Variants in RAB20 observed in about 807,000 individuals in gnomAD.
RAB20 encodes ras-related protein Rab-20.
A neutral mutation model predicts 3.7 loss-of-function variants in RAB20; 2 were observed. The ratio of observed to expected loss-of-function variants is 0.54; its 90% CI spans 0.22 to 1.69. The LOEUF (loss-of-function observed/expected upper bound fraction) is 1.69. Among genes scored for constraint, RAB20 ranks in the 40% most tolerant of loss-of-function variants. The pLI is 0.19. For missense variants in RAB20, 276 were observed against 311.9 expected, an observed-to-expected ratio of 0.88 and a Z score of 0.87; for synonymous variants, 126 against 130.8, an observed-to-expected ratio of 0.96 and a Z score of 0.25.
In RAB20 at chr13:110,555,638, G is replaced by A. The variant is rs1465962922; in HGVS notation, c.172+5710C>T. 1.3e-5 allele frequency among the ~76,000 whole-genome samples: 2 copies of A among 152,184 alleles called. No individual in the cohort carries two copies. The highest frequency in any genetic ancestry group is 2.4e-5 in the African/African-American group (1 of 41,442). On this transcript the variant is annotated intron_variant, in intron 1 of 1. Transcript: ENST00000267328. This position sits in a 1 kb window ranked among gnomAD's most constrained non-coding sequence, Gnocchi z 4.0. ...TTTCCTCGCAGCTTGGGCAGAGGAC[G>A]CCACGGAAGCGCAAACGTGAATCAG...
chr13:110,550,106 G>T (rs1223614354), intron 1 of RAB20, among the ~76,000 whole-genome samples: 1 of 152,106 alleles, frequency 6.6e-6, no homozygotes, highest in Admixed American at 6.6e-5. Flanking sequence ...AGAAAACAGG[G>T]TTCAGGGAGC....
chr13:110,553,980 G>T (rs979376633), intron 1 of RAB20, among the ~76,000 whole-genome samples: 30 of 152,192 alleles, frequency 2.0e-4, no homozygotes, highest in Admixed American at 4.6e-4. Flanking sequence ...TTTTAAATAA[G>T]GGTGCACACC....
intron 1 of RAB20, among the ~76,000 whole-genome samples, chr13:110,546,252 G>A (rs1884847556): frequency 6.6e-6 from 1 of 152,176 alleles, no homozygotes; most frequent in Admixed American, 6.5e-5. Context: ...CTTCATAACT[G>A]TCCCTGGAAA....
intron 1 of RAB20, among the ~76,000 whole-genome samples, chr13:110,558,884 G>C (rs1270618307): frequency 6.6e-6 from 1 of 151,208 alleles, no homozygotes; most frequent in Non-Finnish European, 1.5e-5. Flanking sequence ...GTTTAGTAGA[G>C]ATGGGGTTTC....
intron 1 of RAB20, among the ~76,000 whole-genome samples, chr13:110,556,304 G>A (rs976032625): frequency 6.6e-5 from 10 of 152,212 alleles, no homozygotes; most frequent in African/African-American, 2.4e-4. Flanking sequence ...GGCTGGTTCA[G>A]AGGGATGCTG....
chr13:110,552,801 T>C (rs1239462395), intron 1 of RAB20, among the ~76,000 whole-genome samples: 10 of 152,214 alleles, frequency 6.6e-5, no homozygotes, highest in Non-Finnish European at 1.2e-4. Flanking sequence ...AGGCATTCAG[T>C]GTGACTCAGG....
chr13:110,549,102 C>T (rs1428697930), intron 1 of RAB20, among the ~76,000 whole-genome samples: 1 of 152,220 alleles, frequency 6.6e-6, no homozygotes, highest in Non-Finnish European at 1.5e-5. Flanking sequence ...AGGCTTAAGA[C>T]CAGTGTGCGG....
intron 1 of RAB20, among the ~76,000 whole-genome samples, chr13:110,556,145 G>T (rs567364689): frequency 6.6e-6 from 1 of 152,224 alleles, no homozygotes; most frequent in African/African-American, 2.4e-5. Flanking sequence ...AGCTGTGGTC[G>T]GCAGATGCCC....
Position 110,523,163 on chromosome 13 carries a change from C to T in RAB20, c.*502G>A, listed in dbSNP as rs1482529871. 1.0e-5 allele frequency: 4 copies of T among 400,464 alleles called. No individual in the cohort carries two copies. The highest frequency in any genetic ancestry group is 1.8e-5 in the Non-Finnish European group (4 of 227,876). The allele number at this position is 400,464 out of a possible 1,614,324, so 24.8% of individuals were successfully genotyped here. A position where few individuals can be genotyped will look rare whatever the true frequency, so the allele number is the denominator to read the frequency against. On this transcript the variant is annotated 3_prime_UTR_variant, in exon 2 of 2. Coordinates refer to ENST00000267328, the MANE Select transcript of RAB20 (RefSeq NM_017817.3). ...ATTCCTGATTTTGTATAAATGAACA[C>T]GTCGAGAGTCAGGATTATAAAGCAT...
intron 1 of RAB20, among the ~76,000 whole-genome samples, chr13:110,547,161 G>A (rs529718192): frequency 9.8e-5 from 15 of 152,316 alleles, no homozygotes; most frequent in Admixed American, 2.0e-4. Flanking sequence ...AAATCACAGC[G>A]GTCTACACGG....
chr13:110,539,229 G>A (rs4267185), intron 1 of RAB20, among the ~76,000 whole-genome samples: 52,134 of 152,014 alleles, frequency 0.34, 10,088 homozygotes, highest in African/African-American at 0.53. Context: ...ATGACATAAA[G>A]GAGGATGATT....
intron 1 of RAB20, among the ~76,000 whole-genome samples, chr13:110,538,613 A>AG (rs1358639780): frequency 3.0e-5 from 4 of 134,482 alleles, no homozygotes; most frequent in Admixed American, 2.2e-4. Context: ...AAAAAAAAAA[A>AG]AAAAAGAAAG....
At chr13:110,543,579 TTCTTC>T (rs1481328567) in intron 1 of RAB20, among the ~76,000 whole-genome samples, 1 of 152,214 alleles carries the variant, frequency 6.6e-6, no homozygotes, top group Non-Finnish European at 1.5e-5. Context: ...TGTTGGTTGT[TTCTTC>T]TGTTCTGCAG....
At chr13:110,547,199 C>A (rs1354649958) in intron 1 of RAB20, among the ~76,000 whole-genome samples, 3 of 152,242 alleles carry the variant, frequency 2.0e-5, no homozygotes, top group Non-Finnish European at 4.4e-5. Flanking sequence ...CTGTCCTGAA[C>A]TAGAGCAGCC....
chr13:110,557,216 C>T (rs910964531), intron 1 of RAB20, among the ~76,000 whole-genome samples: 4 of 152,190 alleles, frequency 2.6e-5, no homozygotes, highest in Non-Finnish European at 4.4e-5. Context: ...TCAGCTGAGT[C>T]GTGCCCCACA....
At chr13:110,554,249 G>A (rs547482101) in intron 1 of RAB20, among the ~76,000 whole-genome samples, 7 of 152,312 alleles carry the variant, frequency 4.6e-5, no homozygotes, top group East Asian at 1.9e-4. Context: ...CAAAAGTGCC[G>A]AATGTCAGCC....
intron 1 of RAB20, among the ~76,000 whole-genome samples, chr13:110,527,190 G>A (rs548527623): frequency 7.3e-5 from 11 of 151,704 alleles, no homozygotes; most frequent in Non-Finnish European, 1.5e-4. Flanking sequence ...TTCTGATGAC[G>A]CCAAGTCCTC....
At chr13:110,548,920 T>C (rs930648094) in intron 1 of RAB20, among the ~76,000 whole-genome samples, 1 of 152,080 alleles carries the variant, frequency 6.6e-6, no homozygotes, top group African/African-American at 2.4e-5. Context: ...GCATGATAAA[T>C]GCCTGCTGCT....
intron 1 of RAB20, among the ~76,000 whole-genome samples, chr13:110,552,659 C>G (rs1056682604): frequency 3.3e-5 from 5 of 151,226 alleles, no homozygotes; most frequent in Non-Finnish European, 7.4e-5. Flanking sequence ...TGCCACTGCA[C>G]TCCAGCCTGG....
Sources: allele counts gnomAD v4.1 joint callset (sites outside exome capture counted in the v4.1 genomes callset), GRCh38; gene constraint gnomAD v4.1.1; non-coding constraint Gnocchi (gnomAD v3.1); transcripts MANE v1.5; gene names NCBI Gene and HGNC (gene_info 2026-07-23, HGNC 2026-07-21).